Variants in STK39 observed in about 807,000 individuals in gnomAD.
STK39 encodes serine/threonine kinase 39.
A neutral mutation model predicts 77.8 loss-of-function variants in STK39; 20 were observed. The observed-to-expected ratio is 0.26, with a 90% CI of 0.18 to 0.37. The LOEUF (loss-of-function observed/expected upper bound fraction) is 0.37. Ranked by LOEUF, STK39 falls within the 10% of genes least tolerant of loss-of-function variation. STK39 has a pLI of 1.00. For missense variants in STK39, 479 were observed against 656.5 expected, an observed-to-expected ratio of 0.73 and a Z score of 2.95; for synonymous variants, 246 against 234.1, an observed-to-expected ratio of 1.05 and a Z score of -0.47.
At chr2:168,060,263 C>T (rs924556485) in intron 14 of STK39, among the ~76,000 whole-genome samples, 1 of 152,110 alleles carries the variant, frequency 6.6e-6, no homozygotes, top group Non-Finnish European at 1.5e-5. Context: ...TGTACTGAAT[C>T]GTGGCCCACC....
intron 5 of STK39, among the ~76,000 whole-genome samples, chr2:168,148,771 T>C (rs1688206584): frequency 1.3e-5 from 2 of 152,338 alleles, no homozygotes; most frequent in Non-Finnish European, 1.5e-5. Flanking sequence ...ATCCTGATTC[T>C]AGTAAGTCTG....
intron 16 of STK39, among the ~76,000 whole-genome samples, chr2:168,001,269 C>CA (rs111793533): frequency 0.11 from 11,440 of 108,380 alleles, 1,222 homozygotes; most frequent in African/African-American, 0.3. Context: ...GGAAACACAT[C>CA]AAAAAAAAAA....
chr2:168,038,309 A>G (rs1230334122), intron 14 of STK39, among the ~76,000 whole-genome samples: 1 of 152,116 alleles, frequency 6.6e-6, no homozygotes, highest in African/African-American at 2.4e-5. Flanking sequence ...CTTATTACAA[A>G]TGTTCAGATC....
In STK39 at chr2:168,185,750, TCA is replaced by T. The variant is rs1464088197; in HGVS notation, c.209-3662_209-3661del. Reference sequence around the variant, plus strand: ...TGTTCAAAGTCCCTACTCCCATGACTCACACAATAACTTCCTCTTTGCATTTA... The same window carrying T: ...TGTTCAAAGTCCCTACTCCCATGACTCACAATAACTTCCTCTTTGCATTTA... On this transcript the variant is annotated intron_variant, in intron 1 of 17. Transcript: ENST00000355999. 2.0e-5 allele frequency among the ~76,000 whole-genome samples: 3 copies of T among 152,322 alleles called. No homozygotes were observed. In the East Asian group the frequency reaches 5.8e-4, roughly 29 times the overall value.
intron 10 of STK39, among the ~76,000 whole-genome samples, chr2:168,084,189 G>C (rs1303802074): frequency 6.6e-6 from 1 of 152,168 alleles, no homozygotes; most frequent in Non-Finnish European, 1.5e-5. Flanking sequence ...CATGGTGGGG[G>C]GAAGGGAGAA....
At chr2:168,201,879 T>C (rs1032276476) in intron 1 of STK39, among the ~76,000 whole-genome samples, 1 of 152,184 alleles carries the variant, frequency 6.6e-6, no homozygotes, top group Non-Finnish European at 1.5e-5. Flanking sequence ...CAAAATAATG[T>C]TGAAGGAGAC....
At chr2:168,182,827 T>C (rs1426437419) in intron 1 of STK39, among the ~76,000 whole-genome samples, 3 of 152,116 alleles carry the variant, frequency 2.0e-5, no homozygotes, top group Non-Finnish European at 2.9e-5. Flanking sequence ...GCAAAAAGGT[T>C]TTCAGGTTAA....
intron 2 of STK39, among the ~76,000 whole-genome samples, chr2:168,169,948 A>AG (rs10711248): frequency 1.3e-5 from 2 of 151,760 alleles, no homozygotes; most frequent in Non-Finnish European, 2.9e-5. Flanking sequence ...CTTCTTGGCT[A>AG]GGGGGGTCCA....
At chr2:167,966,631 G>A (rs1559036938) in intron 16 of STK39, among the ~76,000 whole-genome samples, 1 of 152,074 alleles carries the variant, frequency 6.6e-6, no homozygotes. Context: ...ATATACAAGG[G>A]CCAATTTCCA....
intron 10 of STK39, 41 bp from the exon 11 acceptor site, chr2:168,075,272 T>C: frequency 6.2e-7 from 1 of 1,610,276 alleles, no homozygotes; most frequent in African/African-American, 1.3e-5. Context: ...ACTAGTCAAA[T>C]GTGAACCATT....
chr2:168,013,328 TA>T (rs1345937877), intron 15 of STK39, among the ~76,000 whole-genome samples: 1 of 152,212 alleles, frequency 6.6e-6, no homozygotes, highest in Non-Finnish European at 1.5e-5. Flanking sequence ...CGCAATCTCA[TA>T]AGGATGGGAC....
chr2:168,034,238 G>C (rs942482058), intron 14 of STK39, among the ~76,000 whole-genome samples: 2 of 152,150 alleles, frequency 1.3e-5, no homozygotes, highest in Non-Finnish European at 2.9e-5. Context: ...TCTGGCTTGG[G>C]GTTTGAAACA....
intron 2 of STK39, among the ~76,000 whole-genome samples, chr2:168,173,959 T>C (rs956655001): frequency 3.3e-5 from 5 of 152,212 alleles, no homozygotes; most frequent in African/African-American, 1.2e-4. Context: ...GTCAAACATT[T>C]TGTCTTGTAC....
chr2:168,210,495 T>C (rs1559147904), intron 1 of STK39, among the ~76,000 whole-genome samples: 2 of 152,192 alleles, frequency 1.3e-5, no homozygotes. Flanking sequence ...CCTACTCCCA[T>C]TAGTTAAGCA....
At chr2:168,040,300 C>CA (rs970302457) in intron 14 of STK39, among the ~76,000 whole-genome samples, 2 of 151,744 alleles carry the variant, frequency 1.3e-5, no homozygotes, top group African/African-American at 4.8e-5. Flanking sequence ...ACAAGGATGC[C>CA]AAAAAAATTA....
chr2:168,211,940 C>G (rs1689901454), intron 1 of STK39, among the ~76,000 whole-genome samples: 1 of 152,208 alleles, frequency 6.6e-6, no homozygotes, highest in Non-Finnish European at 1.5e-5. Context: ...TGGTGGTTAA[C>G]TGCCCCACTC....
chr2:168,106,181 G>C (rs1686969332), intron 10 of STK39, among the ~76,000 whole-genome samples: 1 of 152,214 alleles, frequency 6.6e-6, no homozygotes, highest in Non-Finnish European at 1.5e-5. Context: ...AGGCAAGATT[G>C]CAACAACTGC....
chr2:168,038,015 GT>G (rs1449847775), intron 14 of STK39, among the ~76,000 whole-genome samples: 1 of 152,138 alleles, frequency 6.6e-6, no homozygotes, highest in Non-Finnish European at 1.5e-5. Context: ...ATGTAAATGT[GT>G]TTTGTCAGTG....
intron 7 of STK39, among the ~76,000 whole-genome samples, chr2:168,138,981 CATT>C (rs1204433934): frequency 6.6e-5 from 10 of 152,262 alleles, no homozygotes; most frequent in Admixed American, 6.5e-4. Flanking sequence ...CAATAAAACT[CATT>C]AATGCATAAT....
Sources: allele counts gnomAD v4.1 joint callset (sites outside exome capture counted in the v4.1 genomes callset), GRCh38; gene constraint gnomAD v4.1.1; transcripts MANE v1.5; gene names NCBI Gene and HGNC (gene_info 2026-07-23, HGNC 2026-07-21).